SESTD1: variants seen among roughly 807,000 people sequenced by gnomAD.
SESTD1 encodes the protein SEC14 domain and spectrin repeat-containing protein 1.
A neutral mutation model predicts 101.7 loss-of-function variants in SESTD1; 43 were observed. That is an observed-to-expected ratio of 0.42 (90% CI 0.33 to 0.55). The LOEUF (loss-of-function observed/expected upper bound fraction) is 0.55, where lower values mean the gene tolerates loss of function less well. Among genes scored for constraint, SESTD1 ranks in the 20% least tolerant of loss-of-function variants. The pLI is 0.07. For synonymous variants in SESTD1, 283 were observed against 286.8 expected (o/e 0.99, Z 0.13); for missense variants, 647 against 815.1 (o/e 0.79, Z 2.51).
chr2:179,165,985 C>T (rs1359382371), intron 5 of SESTD1, among the ~76,000 whole-genome samples: 1 of 152,128 alleles, frequency 6.6e-6, no homozygotes, highest in Non-Finnish European at 1.5e-5. Context: ...ACAAGGAAAC[C>T]AATTAACCTG....
intron 10 of SESTD1, among the ~76,000 whole-genome samples, chr2:179,126,936 GC>G (rs1225336738): frequency 6.6e-6 from 1 of 152,012 alleles, no homozygotes; most frequent in East Asian, 1.9e-4. Context: ...CCATCTATCA[GC>G]CCCCCGCCTT....
At chr2:179,140,297 G>A (rs894812117) in intron 9 of SESTD1, among the ~76,000 whole-genome samples, 12 of 152,122 alleles carry the variant, frequency 7.9e-5, no homozygotes, top group African/African-American at 2.9e-4. Context: ...TTAGGAGACA[G>A]TCTTTAAAGA....
intron 7 of SESTD1, among the ~76,000 whole-genome samples, chr2:179,147,480 G>A (rs368850001): frequency 6.6e-6 from 1 of 151,634 alleles, no homozygotes; most frequent in South Asian, 2.1e-4. Context: ...TCCTGCCTCA[G>A]CCCCCTGAGT....
In SESTD1 at chr2:179,151,199, AAT is replaced by A. The variant is rs1269499071; in HGVS notation, c.483+77_483+78del. 6.3e-6 allele frequency: 6 copies of A among 945,284 alleles called. No homozygotes were observed. The African/African-American group carries it at 8.6e-5, about 14-fold the overall frequency. 58.6% of individuals were successfully genotyped at this position (945,284 alleles called of 1,614,324 possible). On this transcript the variant is annotated intron_variant, in intron 6 of 17. Transcript: ENST00000428443. ...TAAAAAGAAAAATAATCTATATTTT[AAT>A]AGACTAAAATGATAAAGTTATCAAA...
intron 8 of SESTD1, among the ~76,000 whole-genome samples, 192 bp from the exon 9 acceptor site, chr2:179,143,995 T>C (rs79041685): frequency 0.01 from 1,565 of 152,236 alleles, 24 homozygotes; most frequent in African/African-American, 0.033. Context: ...TATATGTGTG[T>C]ATGTGTGTGT....
chr2:179,174,956 A>G lies in SESTD1; in HGVS notation c.255+1492T>C, dbSNP rs1021009488. Among the ~76,000 whole-genome samples, 51 of 151,952 alleles carry G rather than the reference A, an allele frequency of 3.4e-4. 2 individuals carry two copies. In the East Asian group the frequency reaches 9.5e-3, roughly 28 times the overall value. On this transcript the variant is annotated intron_variant, in intron 4 of 17. Transcript: ENST00000428443. ...AGTCCCTGATATAAAAAAAAAAAAA[A>G]AAAGGTGGGATGGGGGGATTCTCAT... is the stretch of plus-strand genomic sequence containing the variant.
chr2:179,174,171 C>A (rs1232166912), intron 4 of SESTD1, among the ~76,000 whole-genome samples: 1 of 152,136 alleles, frequency 6.6e-6, no homozygotes, highest in East Asian at 1.9e-4. Context: ...AGAAACCACA[C>A]CCCTCATTTT....
At position 179,107,800 on chromosome 2, in the gene SESTD1, T is replaced by C. The variant is rs906946415; in HGVS notation, c.*2099A>G. On this transcript the variant is annotated 3_prime_UTR_variant, in exon 18 of 18. Coordinates refer to ENST00000428443, the MANE Select transcript of SESTD1 (RefSeq NM_178123.5). ...GATTCCTTCCCTCAAAAGAGCTTACTGGGTACAGACATAAACAACTGTAGA... is the reference window on the plus strand; with the variant it reads ...GATTCCTTCCCTCAAAAGAGCTTACCGGGTACAGACATAAACAACTGTAGA... 3.3e-5 allele frequency: 5 copies of C among 152,160 alleles called. No homozygotes were observed. The highest frequency in any genetic ancestry group is 6.6e-5 in the Admixed American group (1 of 15,264). The allele number at this position is 152,160 out of a possible 1,614,324, so 9.4% of individuals were successfully genotyped here.
intron 10 of SESTD1, among the ~76,000 whole-genome samples, chr2:179,128,452 C>T (rs1158924482): frequency 6.6e-6 from 1 of 152,132 alleles, no homozygotes; most frequent in East Asian, 1.9e-4. Context: ...TATGTACGGC[C>T]GGGCACAGTG....
intron 5 of SESTD1, among the ~76,000 whole-genome samples, chr2:179,170,256 A>C (rs1177208227): frequency 1.3e-5 from 2 of 152,050 alleles, no homozygotes; most frequent in East Asian, 3.9e-4. Context: ...TAGTTAAAAA[A>C]ATTTCTTGAA....
rs536662407 is a variant in SESTD1 at position 179,201,065 on chromosome 2, C to A, written c.-25-9199G>T. 3.5e-4 allele frequency among the ~76,000 whole-genome samples: 47 copies of A among 133,996 alleles called. 11 individuals carry two copies. The highest frequency in any genetic ancestry group is 3.3e-3 in the Admixed American group (46 of 13,830). The allele number at this position is 133,996 out of a possible 152,430, so 87.9% of individuals were successfully genotyped here. A position where few individuals can be genotyped will look rare whatever the true frequency, so the allele number is the denominator to read the frequency against. On this transcript the variant is annotated intron_variant, in intron 1 of 17. Coordinates refer to ENST00000428443, the MANE Select transcript of SESTD1 (RefSeq NM_178123.5). ...ATCCAGAATCTACAATGAACTCCAA[C>A]AAATTTACAAGAAAAAAACAAACAA...
At chr2:179,116,552 C>T (rs1490400831) in intron 15 of SESTD1, 116 bp downstream of exon 15, 1 of 1,529,620 alleles carries the variant, frequency 6.5e-7, no homozygotes, top group Non-Finnish European at 9.0e-7. Context: ...TTCTGTGACA[C>T]TTCTGGAATA....
chr2:179,229,316 C>A (rs568914444), intron 1 of SESTD1, among the ~76,000 whole-genome samples: 6 of 152,216 alleles, frequency 3.9e-5, no homozygotes, highest in Non-Finnish European at 8.8e-5. Flanking sequence ...GGGAAAAAGG[C>A]CGAATTCTCT....
In SESTD1 at chr2:179,108,442, T is replaced by G. The variant is rs1179882419; in HGVS notation, c.*1457A>C. On this transcript the variant is annotated 3_prime_UTR_variant, in exon 18 of 18. Coordinates refer to ENST00000428443, the MANE Select transcript of SESTD1 (RefSeq NM_178123.5). Reference sequence around the variant, plus strand: ...GTAACTGGGAGGCCATTGCTGACTTTCAAAAGAACAGTTTCAGTAGAGTGC... The same window carrying G: ...GTAACTGGGAGGCCATTGCTGACTTGCAAAAGAACAGTTTCAGTAGAGTGC... 1 of 152,236 alleles carries G rather than the reference T, an allele frequency of 6.6e-6. No homozygotes were observed. Among genetic ancestry groups the G allele is most frequent in the African/African-American group, 2.4e-5 (1 of 41,430 alleles). 9.4% of individuals were successfully genotyped at this position (152,236 alleles called of 1,614,324 possible). A position where few individuals can be genotyped will look rare whatever the true frequency, so the allele number is the denominator to read the frequency against.
At chr2:179,139,084 G>T (rs2045220758) in intron 9 of SESTD1, among the ~76,000 whole-genome samples, 1 of 151,876 alleles carries the variant, frequency 6.6e-6, no homozygotes, top group Admixed American at 6.6e-5. Context: ...ACCATGACAT[G>T]CATATTCCCA....
Position 179,105,060 on chromosome 2 carries a change from C to T in SESTD1, c.*4839G>A, listed in dbSNP as rs1446526952. The T allele has an allele frequency of 6.6e-6, 1 of 152,082 alleles. No individual in the cohort carries two copies. Among genetic ancestry groups the T allele is most frequent in the African/African-American group, 2.4e-5 (1 of 41,420 alleles). The allele number at this position is 152,082 out of a possible 1,614,324, so 9.4% of individuals were successfully genotyped here. A position where few individuals can be genotyped will look rare whatever the true frequency, so the allele number is the denominator to read the frequency against. On this transcript the variant is annotated 3_prime_UTR_variant, in exon 18 of 18. Coordinates refer to ENST00000428443, the MANE Select transcript of SESTD1 (RefSeq NM_178123.5). ...TCACGGAGTGTCCTTAGTTCTATGC[C>T]TCTATTACAGTATCAGTCGGCCATT...
At position 179,116,684 on chromosome 2, in the gene SESTD1, A is replaced by C; in HGVS notation, c.1631T>G (p.Phe544Cys). The C allele has an allele frequency of 6.2e-7, 1 of 1,614,148 alleles. No homozygotes were observed. Among genetic ancestry groups the C allele is most frequent in the Non-Finnish European group, 8.5e-7 (1 of 1,180,002 alleles). ...GTTTTGCACCTGTGCAACATCAACA[A>C]ATTTTCTATGCTTTTCCAGCAAAAC... ...TKVLLEKHRK[F>C]VDVAQSTYDY... Residue 544 changes from phenylalanine to cysteine, a missense_variant, in exon 15 of 18, where the codon TTT becomes TGT. Around this residue, in one of 3 missense-constraint regions of SESTD1, gnomAD observed 476 missense variants for 562.6 expected, o/e 0.85. Coordinates refer to ENST00000428443, the MANE Select transcript of SESTD1 (RefSeq NM_178123.5).
chr2:179,242,742 T>C (rs1664782984), intron 1 of SESTD1, among the ~76,000 whole-genome samples: 1 of 152,178 alleles, frequency 6.6e-6, no homozygotes, highest in South Asian at 2.1e-4. Flanking sequence ...GATAATTGGC[T>C]AGCCACGTGC....
intron 5 of SESTD1, among the ~76,000 whole-genome samples, chr2:179,165,071 T>C (rs2105466962): frequency 1.3e-5 from 2 of 152,332 alleles, no homozygotes; most frequent in South Asian, 4.1e-4. Flanking sequence ...CTAAGTCTCA[T>C]TTAATGGATA....
Sources: gnomAD v4.1 joint callset for allele counts (sites outside exome capture counted in the v4.1 genomes callset) on GRCh38, gnomAD v4.1.1 for gene constraint, gnomAD v4.1.1 regional missense constraint, MANE v1.5 for transcripts, NCBI Gene and HGNC (gene_info 2026-07-23, HGNC 2026-07-21) for gene names.